Variants in PLA2G4A observed in about 807,000 individuals in gnomAD.
PLA2G4A encodes the protein phospholipase A2 group IVA.
A neutral mutation model predicts 81.9 loss-of-function variants in PLA2G4A; 40 were observed. That is an observed-to-expected ratio of 0.49 (90% CI 0.38 to 0.64). The LOEUF is 0.64. PLA2G4A is among the 30% of genes least tolerant of loss of function. PLA2G4A has a pLI of 0.00. For missense variants in PLA2G4A, 715 were observed against 905.1 expected, an observed-to-expected ratio of 0.79 and a Z score of 2.69; for synonymous variants, 302 against 296.9, an observed-to-expected ratio of 1.02 and a Z score of -0.18.
At chr1:186,871,278 T>G (rs1426808979) in intron 3 of PLA2G4A, among the ~76,000 whole-genome samples, 1 of 152,228 alleles carries the variant, frequency 6.6e-6, no homozygotes, top group Admixed American at 6.5e-5. Context: ...TTGTAGAATC[T>G]TATTATTTAA....
At chr1:186,921,727 T>A (rs1278125067) in intron 7 of PLA2G4A, among the ~76,000 whole-genome samples, 2 of 152,054 alleles carry the variant, frequency 1.3e-5, no homozygotes, top group Non-Finnish European at 2.9e-5. Flanking sequence ...CTGCCATGAT[T>A]CTTCTGGAGT....
At position 186,983,380 on chromosome 1, in the gene PLA2G4A, A is replaced by G. The variant is rs988596902; in HGVS notation, c.2118+3908A>G. Among the ~76,000 whole-genome samples, 3 of 152,204 alleles carry G rather than the reference A, an allele frequency of 2.0e-5. No homozygotes were observed. In the East Asian group the frequency reaches 5.8e-4, roughly 29 times the overall value. Reference sequence around the variant, plus strand: ...CATAGACAACAGTTTTCAACTTTGCAACTGTGACCACTGTGGCTTAGGGCA... The same window carrying G: ...CATAGACAACAGTTTTCAACTTTGCGACTGTGACCACTGTGGCTTAGGGCA... On this transcript the variant is annotated intron_variant, in intron 17 of 17. Transcript: ENST00000367466.
chr1:186,858,708 A>G (rs1370156310), intron 2 of PLA2G4A, among the ~76,000 whole-genome samples: 1 of 152,106 alleles, frequency 6.6e-6, no homozygotes, highest in African/African-American at 2.4e-5. Flanking sequence ...CCTATGTGGT[A>G]ATATTATATT....
At position 186,846,088 on chromosome 1, in the gene PLA2G4A, A is replaced by G. The variant is rs551557310; in HGVS notation, c.-69-8198A>G. On this transcript the variant is annotated intron_variant, in intron 1 of 17. Transcript: ENST00000367466. ...ATTCATGAGAGTGGTTGTGCCAACT[A>G]GTTGCAGTAAGGTTTCCAGAACTGA... is the stretch of plus-strand genomic sequence containing the variant. 1.0e-3 allele frequency among the ~76,000 whole-genome samples: 155 copies of G among 152,352 alleles called. 3 individuals carry two copies. In the South Asian group the frequency reaches 0.031, roughly 31 times the overall value.
At chr1:186,911,716 G>T (rs1286249458) in intron 7 of PLA2G4A, among the ~76,000 whole-genome samples, 1 of 152,146 alleles carries the variant, frequency 6.6e-6, no homozygotes, top group Non-Finnish European at 1.5e-5. Context: ...CCCAAGTTTA[G>T]TCAGGTTCTC....
In PLA2G4A at chr1:186,857,491, C is replaced by T. The variant is rs1571339366; in HGVS notation, c.33+3104C>T. Among the ~76,000 whole-genome samples, 4 of 124,608 alleles carry T rather than the reference C, an allele frequency of 3.2e-5. No individual in the cohort carries two copies. The South Asian group carries it at 7.1e-4, about 22-fold the overall frequency. 81.7% of individuals were successfully genotyped at this position (124,608 alleles called of 152,430 possible). A position where few individuals can be genotyped will look rare whatever the true frequency, so the allele number is the denominator to read the frequency against. ...TGTATAATATATATACAATATATAA[C>T]ATAATATACTATATATAATATATAA... On this transcript the variant is annotated intron_variant, in intron 2 of 17. Transcript: ENST00000367466.
chr1:186,939,173 A>G lies in PLA2G4A; in HGVS notation c.861A>G (p.Gln287=), dbSNP rs754996860. The G allele has an allele frequency of 5.0e-6, 8 of 1,609,636 alleles. No homozygotes were observed. Among genetic ancestry groups the G allele is most frequent in the Non-Finnish European group, 6.0e-6 (7 of 1,176,102 alleles). ...ESLWKKKSSG[Q]PVTFTDIFGM... Reference sequence around the variant, plus strand: ...TATGGAAGAAGAAAAGCTCTGGACAACCTGTCACCTTTACTGATATCTTTG... The same window carrying G: ...TATGGAAGAAGAAAAGCTCTGGACAGCCTGTCACCTTTACTGATATCTTTG... Residue 287 remains glutamine, a synonymous_variant, in exon 9 of 18, where the codon CAA becomes CAG. Transcript: ENST00000367466.
rs139414989 is a variant in PLA2G4A, at chr1:186,975,269, G to A, written c.1765-2324G>A. On this transcript the variant is annotated intron_variant, in intron 15 of 17. Coordinates refer to ENST00000367466, the MANE Select transcript of PLA2G4A (RefSeq NM_024420.3). ...ACAAGAAATTATTTACATACATATG[G>A]GATTTTCAGTGAAATGTAATTGTAT... Among the ~76,000 whole-genome samples the A allele has an allele frequency of 5.6e-3, 853 of 152,218 alleles. 3 individuals are homozygous for A. The highest frequency in any genetic ancestry group is 7.9e-3 in the Non-Finnish European group (537 of 68,006).
At chr1:186,845,993 A>AC (rs1485532767) in intron 1 of PLA2G4A, among the ~76,000 whole-genome samples, 3 of 152,202 alleles carry the variant, frequency 2.0e-5, no homozygotes, top group Non-Finnish European at 4.4e-5. Flanking sequence ...GACTTTGTAC[A>AC]CTCACTAAGA....
intron 7 of PLA2G4A, among the ~76,000 whole-genome samples, chr1:186,928,397 G>A (rs1655626010): frequency 6.6e-6 from 1 of 152,102 alleles, no homozygotes; most frequent in African/African-American, 2.4e-5. Flanking sequence ...TATAATGTGG[G>A]TGGGCCTCAT....
chr1:186,898,972 C>G (rs1366417800), intron 5 of PLA2G4A, among the ~76,000 whole-genome samples: 1 of 152,168 alleles, frequency 6.6e-6, no homozygotes, highest in Non-Finnish European at 1.5e-5. Flanking sequence ...TCTTTAGGCA[C>G]TGCCTATTTC....
chr1:186,960,380 G>A (rs1339301390), intron 14 of PLA2G4A, among the ~76,000 whole-genome samples: 3 of 152,138 alleles, frequency 2.0e-5, no homozygotes, highest in East Asian at 3.8e-4. Context: ...CCTGCTTTAA[G>A]GAAATGTTAC....
At chr1:186,840,206 T>C (rs978871275) in intron 1 of PLA2G4A, among the ~76,000 whole-genome samples, 9 of 152,078 alleles carry the variant, frequency 5.9e-5, no homozygotes, top group African/African-American at 9.6e-5. Flanking sequence ...TTATACTCTA[T>C]AAAGGGGTCC....
intron 13 of PLA2G4A, among the ~76,000 whole-genome samples, chr1:186,954,705 G>A (rs189637777): frequency 5.3e-4 from 80 of 151,464 alleles, no homozygotes; most frequent in South Asian, 2.1e-4. Flanking sequence ...ACACAATCAC[G>A]CACACATACA....
chr1:186,841,880 G>A (rs1301337283), intron 1 of PLA2G4A, among the ~76,000 whole-genome samples: 2 of 152,078 alleles, frequency 1.3e-5, no homozygotes, highest in Admixed American at 1.3e-4. Context: ...GTGGTTAGAC[G>A]TTATCCTTGT....
intron 7 of PLA2G4A, among the ~76,000 whole-genome samples, chr1:186,920,406 G>C (rs1352195541): frequency 6.6e-6 from 1 of 152,178 alleles, no homozygotes; most frequent in African/African-American, 2.4e-5. Flanking sequence ...TTATATCAAA[G>C]GGGGCGACTG....
chr1:186,944,319 G>T (rs1006279028), intron 10 of PLA2G4A, among the ~76,000 whole-genome samples: 10 of 152,082 alleles, frequency 6.6e-5, no homozygotes, highest in African/African-American at 2.4e-4. Context: ...TTCAGTGAGG[G>T]GTGCAGAGCT....
chr1:186,871,629 G>A (rs368956808), intron 3 of PLA2G4A, among the ~76,000 whole-genome samples: 3 of 152,042 alleles, frequency 2.0e-5, no homozygotes, highest in Non-Finnish European at 4.4e-5. Flanking sequence ...AGCTAGAACC[G>A]ACCCAATATT....
At chr1:186,971,162 T>C (rs1657343336) in intron 15 of PLA2G4A, among the ~76,000 whole-genome samples, 1 of 151,972 alleles carries the variant, frequency 6.6e-6, no homozygotes, top group South Asian at 2.1e-4. Context: ...TATTTTGTTA[T>C]ACTTATTATA....
Sources: allele counts gnomAD v4.1 joint callset (sites outside exome capture counted in the v4.1 genomes callset), GRCh38; gene constraint gnomAD v4.1.1; transcripts MANE v1.5; gene names NCBI Gene and HGNC (gene_info 2026-07-23, HGNC 2026-07-21).